The following IPPK variants were observed in gnomAD, a reference collection of about 807,000 sequenced individuals.
The protein encoded by IPPK is IPK1 homolog.
In IPPK, 22 loss-of-function variants were observed where a neutral mutation model predicts 64.6. That is an observed-to-expected ratio of 0.34 (90% CI 0.24 to 0.49). IPPK has a LOEUF of 0.49. Among genes scored for constraint, IPPK ranks in the 20% least tolerant of loss-of-function variants. The pLI is 0.99. For synonymous variants in IPPK, 262 were observed against 247.2 expected (o/e 1.06, Z -0.56); for missense variants, 532 against 630.7 (o/e 0.84, Z 1.68).
Position 92,670,034 on chromosome 9 carries a change from C to T in IPPK, c.-46G>A, listed in dbSNP as rs370793607. ...CCTCGCGGGCTAGGACTCGGGGACG[C>T]GAGCTGGGGGCCGCCCGCCTCGCTG... On this transcript the variant is annotated 5_prime_UTR_variant, in exon 1 of 13. Coordinates refer to ENST00000287996, the MANE Select transcript of IPPK (RefSeq NM_022755.6). The T allele has an allele frequency of 6.9e-7, 1 of 1,440,036 alleles. No homozygotes were observed. Among genetic ancestry groups the T allele is most frequent in the Admixed American group, 1.9e-5 (1 of 53,390 alleles). The allele number at this position is 1,440,036 out of a possible 1,614,324, so 89.2% of individuals were successfully genotyped here. A position where few individuals can be genotyped will look rare whatever the true frequency, so the allele number is the denominator to read the frequency against.
intron 1 of IPPK, among the ~76,000 whole-genome samples, chr9:92,667,761 G>A (rs1368484256): frequency 6.6e-6 from 1 of 151,970 alleles, no homozygotes; most frequent in Non-Finnish European, 1.5e-5. Context: ...AAATTAGCCA[G>A]GCATGGTGGC....
At chr9:92,659,462 A>G (rs1361514944) in intron 1 of IPPK, among the ~76,000 whole-genome samples, 3 of 152,272 alleles carry the variant, frequency 2.0e-5, no homozygotes, top group Non-Finnish European at 4.4e-5. Context: ...CCAAGTAGCA[A>G]TGATTACAAT....
chr9:92,615,386 T>C lies in IPPK; in HGVS notation c.*446A>G, dbSNP rs1183350249. 1 of 173,944 alleles carries C rather than the reference T, an allele frequency of 5.7e-6. No individual in the cohort carries two copies. Among genetic ancestry groups the C allele is most frequent in the Non-Finnish European group, 1.2e-5 (1 of 81,694 alleles). 10.8% of individuals were successfully genotyped at this position (173,944 alleles called of 1,614,324 possible). ...TGAAAAAGTGACCATGTAACTCAGC[T>C]GGGGGAAGTTCCAGTAGTATCCATG... On this transcript the variant is annotated 3_prime_UTR_variant, in exon 13 of 13. Coordinates refer to ENST00000287996, the MANE Select transcript of IPPK (RefSeq NM_022755.6).
intron 12 of IPPK, 141 bp downstream of exon 12, chr9:92,619,345 T>C: frequency 3.1e-6 from 2 of 654,800 alleles, no homozygotes; most frequent in South Asian, 3.5e-5. Context: ...AGCCCCATGA[T>C]GTCACATAGG....
intron 6 of IPPK, among the ~76,000 whole-genome samples, chr9:92,644,434 T>A (rs937962513): frequency 6.6e-6 from 1 of 152,080 alleles, no homozygotes; most frequent in African/African-American, 2.4e-5. Context: ...GGGCAGGACA[T>A]CTCCAAAGCC....
intron 11 of IPPK, among the ~76,000 whole-genome samples, chr9:92,633,555 GGC>G (rs1435869976): frequency 6.6e-6 from 1 of 151,700 alleles, no homozygotes; most frequent in Non-Finnish European, 1.5e-5. Flanking sequence ...TGTAGAGATG[GGC>G]GTCTCACTAT....
At chr9:92,649,987 C>G (rs1852229922) in intron 4 of IPPK, among the ~76,000 whole-genome samples, 1 of 145,082 alleles carries the variant, frequency 6.9e-6, no homozygotes, top group African/African-American at 2.6e-5. Flanking sequence ...GATCGTGCTA[C>G]TGCACTCCAG....
intron 12 of IPPK, chr9:92,618,004 C>T: frequency 2.9e-6 from 1 of 343,136 alleles, no homozygotes; most frequent in Non-Finnish European, 5.8e-6. Flanking sequence ...AATTTAGTCT[C>T]AGGTCTACCA....
At chr9:92,626,698 A>C (rs1420290506) in intron 11 of IPPK, among the ~76,000 whole-genome samples, 1 of 152,238 alleles carries the variant, frequency 6.6e-6, no homozygotes. Flanking sequence ...ATAAATCCAC[A>C]AATAGAGAAA....
intron 11 of IPPK, among the ~76,000 whole-genome samples, chr9:92,628,564 G>A (rs1320330081): frequency 6.6e-6 from 1 of 152,180 alleles, no homozygotes; most frequent in East Asian, 1.9e-4. Flanking sequence ...ACTCAACGGG[G>A]AAAGAATAGT....
intron 11 of IPPK, 172 bp from the exon 12 acceptor site, chr9:92,619,737 A>G (rs892631194): frequency 2.7e-5 from 17 of 635,578 alleles, no homozygotes; most frequent in Non-Finnish European, 4.5e-5. Flanking sequence ...GCCCTGTGAG[A>G]GCACCTGGGC....
At chr9:92,667,330 CTT>C (rs1852620677) in intron 1 of IPPK, among the ~76,000 whole-genome samples, 2 of 152,190 alleles carry the variant, frequency 1.3e-5, no homozygotes, top group South Asian at 4.1e-4. Flanking sequence ...TCACCCATCT[CTT>C]ATCCCACTGA....
At chr9:92,655,066 G>A (rs1297255622) in intron 3 of IPPK, among the ~76,000 whole-genome samples, 1 of 152,192 alleles carries the variant, frequency 6.6e-6, no homozygotes, top group Non-Finnish European at 1.5e-5. Flanking sequence ...CCCAGCACTG[G>A]AGACAGGCCC....
chr9:92,636,282 G>A (rs868447987), intron 9 of IPPK, among the ~76,000 whole-genome samples: 2 of 152,308 alleles, frequency 1.3e-5, no homozygotes, highest in Middle Eastern at 6.8e-3. Context: ...AAGTTCACAT[G>A]CCCAACTAGA....
chr9:92,647,271 CAAAAATCTTCTAACAAAGA>C (rs542153284), intron 6 of IPPK, among the ~76,000 whole-genome samples: 26 of 152,256 alleles, frequency 1.7e-4, no homozygotes, highest in African/African-American at 6.3e-4. Flanking sequence ...AATCAGTAAT[CAAAAATCTTCTAACAAAGA>C]AAATCCCAGG....
At chr9:92,631,011 C>T (rs1258653963) in intron 11 of IPPK, among the ~76,000 whole-genome samples, 2 of 152,152 alleles carry the variant, frequency 1.3e-5, no homozygotes, top group South Asian at 2.1e-4. Context: ...CTCCATGGCT[C>T]CTTTTGAGCT....
intron 1 of IPPK, among the ~76,000 whole-genome samples, chr9:92,668,620 G>A (rs1324771615): frequency 1.3e-5 from 2 of 152,190 alleles, no homozygotes; most frequent in African/African-American, 4.8e-5. Context: ...AGGATTCAGG[G>A]GATCAGCACA....
intron 3 of IPPK, among the ~76,000 whole-genome samples, chr9:92,655,980 G>A (rs530881612): frequency 1.2e-3 from 182 of 152,256 alleles, no homozygotes; most frequent in African/African-American, 4.1e-3. Context: ...CAGCACAGGC[G>A]GCAACACCCA....
chr9:92,652,682 G>A (rs751191212), intron 3 of IPPK, 43 bp from the exon 4 acceptor site: 1 of 1,105,922 alleles, frequency 9.0e-7, no homozygotes, highest in African/African-American at 1.5e-5. Context: ...ATTGCACAAT[G>A]ACATGAACAC....
Sources: gnomAD v4.1 joint callset for allele counts (sites outside exome capture counted in the v4.1 genomes callset) on GRCh38, gnomAD v4.1.1 for gene constraint, MANE v1.5 for transcripts, NCBI Gene and HGNC (gene_info 2026-07-23, HGNC 2026-07-21) for gene names.